Variants in NPAT observed in about 807,000 individuals in gnomAD.
NPAT encodes nuclear protein, coactivator of histone transcription.
NPAT carries 52 observed loss-of-function variants against 130.7 expected under a neutral mutation model. The observed-to-expected ratio is 0.40, with a 90% CI of 0.32 to 0.50. The LOEUF (loss-of-function observed/expected upper bound fraction) is 0.50. NPAT is among the 20% of genes least tolerant of loss of function. NPAT has a pLI of 0.68. For synonymous variants in NPAT, 580 were observed against 584.8 expected, an observed-to-expected ratio of 0.99 and a Z score of 0.12; for missense variants, 1,687 against 1,662.6, an observed-to-expected ratio of 1.01 and a Z score of -0.26.
At chr11:108,177,561 A>G (rs1287584324) in intron 10 of NPAT, among the ~76,000 whole-genome samples, 1 of 152,186 alleles carries the variant, frequency 6.6e-6, no homozygotes, top group Non-Finnish European at 1.5e-5. Flanking sequence ...ATTTCCAATG[A>G]CATGCTCATT....
At position 108,188,122 on chromosome 11, in the gene NPAT, A is replaced by G; in HGVS notation, c.614T>C (p.Leu205Ser). 1 of 1,613,590 alleles carries G rather than the reference A, an allele frequency of 6.2e-7. No homozygotes were observed. The highest frequency in any genetic ancestry group is 8.5e-7 in the Non-Finnish European group (1 of 1,179,730). Residue 205 changes from leucine (L) to serine (S), a missense_variant, in exon 7 of 18, where the codon TTA (leucine) becomes TCA (serine). Physicochemically the swap from Leu to Ser is moderately radical, Grantham distance 145. Transcript: ENST00000278612. ...GAQEKKAHAS[L>S]MSPGRRKSES... is the part of the protein sequence containing the mutation. ...CCTTTTGCGTCTACCGGGAGACATTAAACTGGCATGTGCTTTCTTTTCCTG... is the reference window on the plus strand; with the variant it reads ...CCTTTTGCGTCTACCGGGAGACATTGAACTGGCATGTGCTTTCTTTTCCTG...
intron 15 of NPAT, among the ~76,000 whole-genome samples, chr11:108,167,085 A>C (rs530117321): frequency 2.6e-5 from 4 of 152,356 alleles, no homozygotes; most frequent in Admixed American, 6.5e-5. Context: ...ATTTTAATTA[A>C]CCATACCTGG....
At chr11:108,200,165 C>T (rs560906774) in intron 1 of NPAT, among the ~76,000 whole-genome samples, 6 of 152,150 alleles carry the variant, frequency 3.9e-5, no homozygotes, top group African/African-American at 1.2e-4. Context: ...TTTCCGCCCC[C>T]GCAATCATGT....
rs754354797 is a variant in NPAT at position 108,169,993 on chromosome 11, C to G, written c.2836G>C (p.Val946Leu). 15 of 1,613,828 alleles carry G rather than the reference C, an allele frequency of 9.3e-6. No individual in the cohort carries two copies. The highest frequency in any genetic ancestry group is 1.7e-6 in the Non-Finnish European group (2 of 1,179,884). The change falls in exon 14 of 18, where the codon GTA (valine) becomes CTA (leucine). Residue 946 changes from valine to leucine, a missense_variant. Val to Leu is a conservative substitution (Grantham distance 32). This residue lies in a region of NPAT where 1,379 missense variants were observed against 1,346.6 expected (regional missense o/e 1.02). Coordinates refer to ENST00000278612, the MANE Select transcript of NPAT (RefSeq NM_002519.3). The part of the protein sequence containing the change: ...SPVQPVLQGM[V>L]GMIPVSVVGQ... ...ACCACAGATACTGGGATCATCCCTA[C>G]CATTCCTTGGAGTACAGGCTGGACT... is the stretch of plus-strand genomic sequence containing the variant.
rs144621365 is a variant in NPAT, at chr11:108,177,682, G to A, written c.907-592C>T. 3.6e-4 allele frequency among the ~76,000 whole-genome samples: 54 copies of A among 151,516 alleles called. 1 individual carries two copies. The highest frequency in any genetic ancestry group is 1.1e-3 in the African/African-American group (47 of 41,378). On this transcript the variant is annotated intron_variant, in intron 10 of 17. Transcript: ENST00000278612. ...TTAAAATGATATAAAATGAATATAC[G>A]TATATAAATGGAAATAAAATCATAC... is the stretch of plus-strand genomic sequence containing the variant.
chr11:108,217,497 G>A (rs1247359988), intron 1 of NPAT, among the ~76,000 whole-genome samples: 1 of 151,996 alleles, frequency 6.6e-6, no homozygotes, highest in African/African-American at 2.4e-5. Context: ...ATATCATTTT[G>A]CTTAAAGTTG....
chr11:108,185,973 G>C (rs2078103873), intron 8 of NPAT, among the ~76,000 whole-genome samples: 1 of 151,760 alleles, frequency 6.6e-6, no homozygotes, highest in African/African-American at 2.4e-5. Flanking sequence ...CGCTGGCTTT[G>C]GCCTCTCAAA....
intron 1 of NPAT, among the ~76,000 whole-genome samples, chr11:108,217,622 C>A (rs1335114628): frequency 3.3e-5 from 5 of 152,118 alleles, no homozygotes; most frequent in Non-Finnish European, 5.9e-5. Context: ...ATAACCAATT[C>A]TCAGTCAGGT....
chr11:108,174,283 CAT>C (rs987329404), intron 12 of NPAT, among the ~76,000 whole-genome samples: 8 of 152,008 alleles, frequency 5.3e-5, no homozygotes, highest in Non-Finnish European at 1.2e-4. Context: ...ACTTATCTGA[CAT>C]ATTCTTAAAG....
intron 3 of NPAT, among the ~76,000 whole-genome samples, chr11:108,193,357 T>C (rs1320747039): frequency 6.6e-6 from 1 of 152,248 alleles, no homozygotes; most frequent in African/African-American, 2.4e-5. Flanking sequence ...TTATTTTACA[T>C]ATTTTTTAAA....
intron 1 of NPAT, among the ~76,000 whole-genome samples, chr11:108,206,612 T>G (rs1010142411): frequency 6.6e-6 from 1 of 152,262 alleles, no homozygotes; most frequent in African/African-American, 2.4e-5. Flanking sequence ...CAACCCTGGT[T>G]TGGGGAGCTC....
At chr11:108,209,413 T>C (rs2078361426) in intron 1 of NPAT, among the ~76,000 whole-genome samples, 1 of 152,036 alleles carries the variant, frequency 6.6e-6, no homozygotes, top group Non-Finnish European at 1.5e-5. Context: ...CAAGAGCCTG[T>C]GTCTAAAAAC....
chr11:108,173,501 G>A lies in NPAT; in HGVS notation c.1483C>T (p.Pro495Ser). The change falls in exon 13 of 18, where the codon CCG becomes TCG. Residue 495 changes from proline (P) to serine (S), a missense_variant. By Grantham distance (74) the Pro-to-Ser change is moderately conservative. Transcript: ENST00000278612. ...IEKNSLSSNVPSESQLQPDQP... is the reference protein window; with the variant it reads ...IEKNSLSSNVSSESQLQPDQP... ...TCAGGCTGTAACTGAGATTCACTCG[G>A]TACATTTGAAGACAAAGAGTTCTTT... The A allele has an allele frequency of 6.2e-7, 1 of 1,614,096 alleles. No individual in the cohort carries two copies. The highest frequency in any genetic ancestry group is 8.5e-7 in the Non-Finnish European group (1 of 1,179,988).
chr11:108,191,793 TAAAG>T (rs1284746336), intron 4 of NPAT, among the ~76,000 whole-genome samples: 1 of 152,180 alleles, frequency 6.6e-6, no homozygotes, highest in East Asian at 1.9e-4. Flanking sequence ...GAATATGTAA[TAAAG>T]AGACAGTTGC....
At chr11:108,212,945 C>CAAAAAAAA (rs34466178) in intron 1 of NPAT, among the ~76,000 whole-genome samples, 1 of 36,418 alleles carries the variant, frequency 2.7e-5, no homozygotes, top group Non-Finnish European at 4.6e-5. Context: ...GACTCTGTCT[C>CAAAAAAAA]AAAAAAAAAA....
chr11:108,175,559 C>T (rs1190637373), intron 12 of NPAT, among the ~76,000 whole-genome samples: 1 of 152,140 alleles, frequency 6.6e-6, no homozygotes, highest in Admixed American at 6.6e-5. Context: ...TTAAGTGAAA[C>T]ACAATCTTCT....
intron 11 of NPAT, 117 bp downstream of exon 11, chr11:108,176,877 G>A: frequency 1.5e-6 from 1 of 684,926 alleles, no homozygotes; most frequent in Non-Finnish European, 2.6e-6. Context: ...AATGTTTGAT[G>A]AAATGAAAAC....
chr11:108,187,130 G>C (rs537191142), intron 7 of NPAT, among the ~76,000 whole-genome samples: 2 of 152,184 alleles, frequency 1.3e-5, no homozygotes, highest in African/African-American at 4.8e-5. Flanking sequence ...AAAAAGTCAG[G>C]GTTCCTATAA....
intron 15 of NPAT, among the ~76,000 whole-genome samples, chr11:108,165,016 A>AAAAT (rs748279483): frequency 2.0e-5 from 3 of 152,074 alleles, no homozygotes; most frequent in Non-Finnish European, 2.9e-5. Context: ...TCTCAAAAAT[A>AAAAT]AAATAAATAA....
Sources: gnomAD v4.1 joint callset for allele counts (sites outside exome capture counted in the v4.1 genomes callset) on GRCh38, gnomAD v4.1.1 for gene constraint, gnomAD v4.1.1 regional missense constraint, MANE v1.5 for transcripts, NCBI Gene and HGNC (gene_info 2026-07-23, HGNC 2026-07-21) for gene names.